Variants in TNFRSF19 observed in about 807,000 individuals in gnomAD.
The protein encoded by TNFRSF19 is TNF receptor superfamily member 19.
Under a neutral mutation model 46.4 loss-of-function variants are expected in TNFRSF19, and 27 were observed. The ratio of observed to expected loss-of-function variants is 0.58; its 90% CI spans 0.43 to 0.80. The LOEUF (loss-of-function observed/expected upper bound fraction) is 0.80. TNFRSF19 is among the 30% of genes least tolerant of loss of function. The pLI, the probability that TNFRSF19 is intolerant of heterozygous loss-of-function variation, is 0.00. For missense variants in TNFRSF19, 511 were observed against 530.8 expected (o/e 0.96, Z 0.37); for synonymous variants, 204 against 205.0 (o/e 1.00, Z 0.04).
intron 3 of TNFRSF19, among the ~76,000 whole-genome samples, chr13:23,596,335 G>A (rs140596366): frequency 1.2e-4 from 19 of 152,290 alleles, no homozygotes; most frequent in African/African-American, 4.3e-4. Context: ...CCATCAGTGT[G>A]CAGTATTCAG....
chr13:23,593,747 A>G (rs1298155043), intron 3 of TNFRSF19, among the ~76,000 whole-genome samples: 2 of 152,242 alleles, frequency 1.3e-5, no homozygotes, highest in Non-Finnish European at 2.9e-5. Flanking sequence ...GTTAATTTGC[A>G]TTAATCAATA....
chr13:23,648,158 A>C (rs1228736545), intron 5 of TNFRSF19, among the ~76,000 whole-genome samples: 1 of 152,302 alleles, frequency 6.6e-6, no homozygotes, highest in Admixed American at 6.5e-5. Flanking sequence ...ATTGCATTGA[A>C]TCTGCAAATC....
Position 23,593,428 on chromosome 13 carries a change from G to T in TNFRSF19, c.153G>T (p.Gln51His). 1.2e-6 allele frequency: 2 copies of T among 1,603,798 alleles called. No homozygotes were observed. Among genetic ancestry groups the T allele is most frequent in the Non-Finnish European group, 1.7e-6 (2 of 1,177,356 alleles). The change falls in exon 3 of 10, where the codon CAG becomes CAT. Residue 51 changes from glutamine to histidine, a missense_variant. By Grantham distance (24) the Gln-to-His change is conservative. Transcript: ENST00000248484. ...CTGGAAACTGTGTTCCCTGCAACCAGTGTGGGCCAGGCATGGAGTTGTCTA... is the reference window on the plus strand; with the variant it reads ...CTGGAAACTGTGTTCCCTGCAACCATTGTGGGCCAGGCATGGAGTTGTCTA... ...DRSGNCVPCN[Q>H]CGPGMELSKE...
chr13:23,629,086 C>CTTTT (rs11389906), intron 5 of TNFRSF19, among the ~76,000 whole-genome samples: 1 of 142,514 alleles, frequency 7.0e-6, no homozygotes. Flanking sequence ...CCACTTTGGG[C>CTTTT]TTTTTTTTTT....
chr13:23,627,174 A>G (rs1882067682), intron 5 of TNFRSF19, among the ~76,000 whole-genome samples: 1 of 152,128 alleles, frequency 6.6e-6, no homozygotes, highest in Non-Finnish European at 1.5e-5. Context: ...TAGTCCCCAG[A>G]CAGGATCATA....
chr13:23,638,645 G>T (rs1249917444), intron 5 of TNFRSF19, among the ~76,000 whole-genome samples: 1 of 152,208 alleles, frequency 6.6e-6, no homozygotes, highest in East Asian at 1.9e-4. Flanking sequence ...CTCAGCTGCG[G>T]TGGCCGTCAG....
intron 5 of TNFRSF19, among the ~76,000 whole-genome samples, chr13:23,637,625 TCAAA>T (rs1322300185): frequency 6.6e-6 from 1 of 152,220 alleles, no homozygotes; most frequent in East Asian, 1.9e-4. Flanking sequence ...CAGTCTAGAC[TCAAA>T]CAACCATACC....
At chr13:23,661,311 G>A (rs748989158) in intron 7 of TNFRSF19, among the ~76,000 whole-genome samples, 6 of 152,062 alleles carry the variant, frequency 3.9e-5, no homozygotes, top group South Asian at 2.1e-4. Context: ...TTCTGTTCCC[G>A]CCTTAGTTTA....
At chr13:23,633,507 T>C (rs1170945075) in intron 5 of TNFRSF19, among the ~76,000 whole-genome samples, 1 of 150,908 alleles carries the variant, frequency 6.6e-6, no homozygotes, top group Non-Finnish European at 1.5e-5. Flanking sequence ...TCTGAAAATA[T>C]GTTGAAAATT....
chr13:23,654,260 G>C (rs1320352329), intron 5 of TNFRSF19, among the ~76,000 whole-genome samples: 1 of 152,170 alleles, frequency 6.6e-6, no homozygotes, highest in African/African-American at 2.4e-5. Context: ...GGCAGAGGAG[G>C]GAGCCTGGCA....
At chr13:23,634,711 A>G (rs1435087469) in intron 5 of TNFRSF19, among the ~76,000 whole-genome samples, 1 of 152,160 alleles carries the variant, frequency 6.6e-6, no homozygotes, top group East Asian at 1.9e-4. Flanking sequence ...GATATACTCA[A>G]AGTTCAGGCT....
chr13:23,639,862 C>T (rs1158496357), intron 5 of TNFRSF19, among the ~76,000 whole-genome samples: 2 of 152,174 alleles, frequency 1.3e-5, no homozygotes, highest in African/African-American at 4.8e-5. Flanking sequence ...TAAAATTGTT[C>T]TTTATTTTTC....
intron 3 of TNFRSF19, among the ~76,000 whole-genome samples, chr13:23,604,346 G>T (rs1010136868): frequency 2.6e-5 from 4 of 151,386 alleles, no homozygotes; most frequent in Non-Finnish European, 4.4e-5. Context: ...TCTGATGAAA[G>T]AAATAAAAGA....
At chr13:23,670,797 A>G (rs941743786) in intron 9 of TNFRSF19, among the ~76,000 whole-genome samples, 7 of 152,218 alleles carry the variant, frequency 4.6e-5, no homozygotes, top group Non-Finnish European at 7.3e-5. Flanking sequence ...GCTGCCTCCC[A>G]GCAGCACTAA....
chr13:23,604,992 C>A (rs918646827), intron 3 of TNFRSF19, among the ~76,000 whole-genome samples: 1 of 152,058 alleles, frequency 6.6e-6, no homozygotes, highest in African/African-American at 2.4e-5. Context: ...TTGAAAATTT[C>A]CACTCTGCAT....
Position 23,591,771 on chromosome 13 carries a change from G to A in TNFRSF19, c.69+1519G>A, listed in dbSNP as rs148897586. Among the ~76,000 whole-genome samples the A allele has an allele frequency of 3.1e-3, 464 of 149,734 alleles. 4 individuals are homozygous for A. The highest frequency in any genetic ancestry group is 0.011 in the African/African-American group (451 of 40,454). Reference sequence around the variant, plus strand: ...AGACGAAGTTTCGCTTTGTCACCAGGCTGGAGTGCAGTGGTGCGATCTTGG... The same window carrying A: ...AGACGAAGTTTCGCTTTGTCACCAGACTGGAGTGCAGTGGTGCGATCTTGG... On this transcript the variant is annotated intron_variant, in intron 2 of 9. Transcript: ENST00000248484.
chr13:23,655,944 G>A (rs1445127949), intron 5 of TNFRSF19, among the ~76,000 whole-genome samples: 3 of 152,048 alleles, frequency 2.0e-5, no homozygotes, highest in Admixed American at 2.0e-4. Context: ...TAAAAATGAT[G>A]AACTAAAAAT....
chr13:23,648,532 T>C (rs939052157), intron 5 of TNFRSF19, among the ~76,000 whole-genome samples: 2 of 152,174 alleles, frequency 1.3e-5, no homozygotes, highest in Non-Finnish European at 1.5e-5. Context: ...CATCTACACA[T>C]AGAGGTAGTT....
intron 5 of TNFRSF19, among the ~76,000 whole-genome samples, chr13:23,650,405 C>T (rs1271631205): frequency 1.3e-5 from 2 of 152,182 alleles, no homozygotes; most frequent in African/African-American, 2.4e-5. Flanking sequence ...GAATATTATT[C>T]AGTCATTAAA....
Sources: allele counts gnomAD v4.1 joint callset (sites outside exome capture counted in the v4.1 genomes callset), GRCh38; gene constraint gnomAD v4.1.1; transcripts MANE v1.5; gene names NCBI Gene and HGNC (gene_info 2026-07-23, HGNC 2026-07-21).